The following SCAND3 variants were observed in gnomAD, a reference collection of about 807,000 sequenced individuals.
The protein encoded by SCAND3 is SCAN domain-containing protein 3.
chr6:28,572,805 A>G, the SCAND3 span: 1 of 1,612,060 alleles, frequency 6.2e-7, no homozygotes, highest in Non-Finnish European at 8.5e-7. The surrounding 1 kb of genome is among the most constrained non-coding windows in gnomAD (Gnocchi z 4.1). Context: ...TAGATTTTAT[A>G]TAATTCACAA....
At chr6:28,580,273 A>G in the SCAND3 span, among the ~76,000 whole-genome samples, 7 of 151,974 alleles carry the variant, frequency 4.6e-5, no homozygotes, top group African/African-American at 7.3e-5. Flanking sequence ...AGCCAACATG[A>G]TGAAACCCCA....
At chr6:28,591,104 A>T in the SCAND3 span, 1 of 152,300 alleles carries the variant, frequency 6.6e-6, no homozygotes, top group East Asian at 1.9e-4. Context: ...CATTATGATC[A>T]CATCCATCGT....
the SCAND3 span, chr6:28,593,652 G>A: frequency 6.6e-6 from 1 of 152,244 alleles, no homozygotes; most frequent in Admixed American, 6.5e-5. Flanking sequence ...TCCAGCCTAG[G>A]GGACAAGAAC....
the SCAND3 span, among the ~76,000 whole-genome samples, chr6:28,577,896 T>A: frequency 5.9e-5 from 9 of 152,192 alleles, no homozygotes; most frequent in Admixed American, 2.0e-4. Flanking sequence ...CCATCCTACC[T>A]TTTTAGGTCA....
chr6:28,609,563 A>T, the SCAND3 span, among the ~76,000 whole-genome samples: 1 of 152,216 alleles, frequency 6.6e-6, no homozygotes, highest in Non-Finnish European at 1.5e-5. Context: ...ACATTTTGCA[A>T]CTGGTATTGC....
chr6:28,586,190 T>C, the SCAND3 span: 2 of 843,322 alleles, frequency 2.4e-6, no homozygotes, highest in Non-Finnish European at 3.8e-6. The surrounding 1 kb of genome is among the most constrained non-coding windows in gnomAD (Gnocchi z 4.4). Context: ...TAAGAAATAA[T>C]GCCCCAAACC....
the SCAND3 span, chr6:28,597,919 G>GC: frequency 6.6e-6 from 1 of 152,190 alleles, no homozygotes; most frequent in East Asian, 1.9e-4. Context: ...GCAAAGAGAC[G>GC]CTTTCATTTC....
the SCAND3 span, among the ~76,000 whole-genome samples, chr6:28,606,521 A>G: frequency 2.6e-5 from 4 of 151,980 alleles, no homozygotes; most frequent in Non-Finnish European, 4.4e-5. Flanking sequence ...AGATAACGCT[A>G]CTACCCCACC....
the SCAND3 span, among the ~76,000 whole-genome samples, chr6:28,606,399 C>T: frequency 6.6e-6 from 1 of 152,124 alleles, no homozygotes; most frequent in African/African-American, 2.4e-5. Context: ...GCTTCCCCCA[C>T]CTCCCCTCAC....
chr6:28,574,893 T>G, the SCAND3 span: 2 of 1,614,044 alleles, frequency 1.2e-6, no homozygotes, highest in Non-Finnish European at 1.7e-6. Flanking sequence ...TTTCACAAAC[T>G]ACACAGGATA....
At chr6:28,592,572 A>G in the SCAND3 span, among the ~76,000 whole-genome samples, 2 of 152,224 alleles carry the variant, frequency 1.3e-5, no homozygotes, top group Admixed American at 1.3e-4. The surrounding 1 kb of genome is among the most constrained non-coding windows in gnomAD (Gnocchi z 4.1). Flanking sequence ...AATAGAAAAA[A>G]CAATTCTTAA....
chr6:28,611,217 G>T, the SCAND3 span, among the ~76,000 whole-genome samples: 1 of 152,212 alleles, frequency 6.6e-6, no homozygotes, highest in Non-Finnish European at 1.5e-5. Context: ...CCCAGTGGTG[G>T]TTTCACAATT....
the SCAND3 span, among the ~76,000 whole-genome samples, chr6:28,614,626 A>G: frequency 1.3e-5 from 2 of 151,840 alleles, no homozygotes; most frequent in Non-Finnish European, 2.9e-5. Context: ...CACCACACCC[A>G]GCTAATTTTT....
At chr6:28,573,613 C>T in the SCAND3 span, 4 of 1,613,142 alleles carry the variant, frequency 2.5e-6, no homozygotes, top group Non-Finnish European at 3.4e-6. Context: ...ACAAATAATA[C>T]ACTGTGGTTT....
chr6:28,603,441 A>C, the SCAND3 span, among the ~76,000 whole-genome samples: 1 of 152,126 alleles, frequency 6.6e-6, no homozygotes, highest in South Asian at 2.1e-4. Flanking sequence ...GCAGAAATCT[A>C]TACATTCTCT....
the SCAND3 span, among the ~76,000 whole-genome samples, chr6:28,609,006 G>A: frequency 1.3e-5 from 2 of 152,048 alleles, no homozygotes; most frequent in Non-Finnish European, 2.9e-5. Flanking sequence ...AAAAAAGCGG[G>A]GGTTGGGGGG....
the SCAND3 span, chr6:28,579,571 A>T: frequency 1.3e-6 from 1 of 749,480 alleles, no homozygotes; most frequent in South Asian, 2.0e-5. The surrounding 1 kb of genome is among the most constrained non-coding windows in gnomAD (Gnocchi z 4.5). Flanking sequence ...AGAAATGAAA[A>T]ATGCTGGGAC....
chr6:28,583,370 A>C, the SCAND3 span, among the ~76,000 whole-genome samples: 4 of 148,804 alleles, frequency 2.7e-5, no homozygotes, highest in Non-Finnish European at 4.5e-5. Context: ...GGACAGAGCG[A>C]GACTCTGTCT....
At chr6:28,599,504 TGG>T in the SCAND3 span, among the ~76,000 whole-genome samples, 1 of 152,204 alleles carries the variant, frequency 6.6e-6, no homozygotes, top group African/African-American at 2.4e-5. Flanking sequence ...AGGGAGCTTG[TGG>T]GAGGTAATTG....
Sources: allele counts gnomAD v4.1 joint callset (sites outside exome capture counted in the v4.1 genomes callset), GRCh38; gene constraint gnomAD v4.1.1; non-coding constraint Gnocchi (gnomAD v3.1); transcripts MANE v1.5; gene names NCBI Gene and HGNC (gene_info 2026-07-23, HGNC 2026-07-21).